Variants in CLMP observed in about 807,000 individuals in gnomAD.
The protein encoded by CLMP is CXADR like cell adhesion molecule.
A neutral mutation model predicts 45.2 loss-of-function variants in CLMP; 27 were observed. The observed-to-expected ratio is 0.60, with a 90% CI of 0.44 to 0.82. The LOEUF (loss-of-function observed/expected upper bound fraction) is 0.82. Ranked by LOEUF, CLMP falls within the 40% of genes least tolerant of loss-of-function variation. The pLI, the probability that CLMP is intolerant of heterozygous loss-of-function variation, is 0.00. For missense variants in CLMP, 403 were observed against 448.4 expected, an observed-to-expected ratio of 0.90 and a Z score of 0.91; for synonymous variants, 167 against 171.4, an observed-to-expected ratio of 0.97 and a Z score of 0.20.
chr11:123,157,751 T>C (rs1192186126), intron 1 of CLMP, among the ~76,000 whole-genome samples: 1 of 135,786 alleles, frequency 7.4e-6, no homozygotes, highest in Non-Finnish European at 1.6e-5. Context: ...AAAAAAGAAG[T>C]AGTGAAGGCC....
At chr11:123,114,177 A>G (rs891621600) in intron 1 of CLMP, among the ~76,000 whole-genome samples, 3 of 152,238 alleles carry the variant, frequency 2.0e-5, no homozygotes, top group Admixed American at 6.5e-5. Context: ...TTACTATGAA[A>G]AAGAAAATAA....
intron 1 of CLMP, among the ~76,000 whole-genome samples, chr11:123,109,923 G>A (rs539090616): frequency 9.9e-5 from 15 of 152,214 alleles, no homozygotes; most frequent in Admixed American, 2.6e-4. Context: ...AGTCATGACC[G>A]GCAAATGATA....
intron 1 of CLMP, among the ~76,000 whole-genome samples, chr11:123,101,504 T>C (rs1223705762): frequency 6.6e-6 from 1 of 152,248 alleles, no homozygotes; most frequent in African/African-American, 2.4e-5. Context: ...GTATTCTTGC[T>C]TTCAGGGAAA....
At chr11:123,181,327 T>A (rs1211402451) in intron 1 of CLMP, among the ~76,000 whole-genome samples, 1 of 152,146 alleles carries the variant, frequency 6.6e-6, no homozygotes, top group Non-Finnish European at 1.5e-5. Flanking sequence ...CATCCCCACA[T>A]GTCTTTTCTC....
At chr11:123,082,996 A>C in intron 5 of CLMP, 89 bp downstream of exon 5, 1 of 1,491,294 alleles carries the variant, frequency 6.7e-7, no homozygotes, top group Non-Finnish European at 9.2e-7. Flanking sequence ...CCTTAACCTT[A>C]CTCTTACTTA....
chr11:123,107,966 T>C (rs1860583400), intron 1 of CLMP, among the ~76,000 whole-genome samples: 1 of 151,758 alleles, frequency 6.6e-6, no homozygotes, highest in African/African-American at 2.4e-5. Context: ...AGGTCATTCC[T>C]GACGAGCAAT....
chr11:123,150,604 A>AGGAAAGGAAGGAAGGAAGGAAGGCC, intron 1 of CLMP, among the ~76,000 whole-genome samples: 2 of 136,224 alleles, frequency 1.5e-5, no homozygotes, highest in African/African-American at 5.5e-5. Flanking sequence ...GAAGGAAGGA[A>AGGAAAGGAAGGAAGGAAGGAAGGCC]TGAAGGAAGG....
In CLMP at chr11:123,195,108, G is replaced by A; in HGVS notation, c.-168C>T. ...GCCGGCCCCGCGCCCCGTGCCCCTG[G>A]GGGCAGATGGGCTCCCGGCGCTCGC... On this transcript the variant is annotated 5_prime_UTR_variant, in exon 1 of 7. Coordinates refer to ENST00000448775, the MANE Select transcript of CLMP (RefSeq NM_024769.5). 5.0e-6 allele frequency: 2 copies of A among 398,426 alleles called. No individual in the cohort carries two copies. The highest frequency in any genetic ancestry group is 8.2e-6 in the Non-Finnish European group (2 of 244,720). 24.7% of individuals were successfully genotyped at this position (398,426 alleles called of 1,614,324 possible).
chr11:123,147,096 A>C (rs1463961575), intron 1 of CLMP, among the ~76,000 whole-genome samples: 1 of 152,130 alleles, frequency 6.6e-6, no homozygotes, highest in African/African-American at 2.4e-5. Context: ...CTTCAGTTTC[A>C]TATTTTCCAG....
chr11:123,116,708 C>T (rs755817060), intron 1 of CLMP, among the ~76,000 whole-genome samples: 7 of 152,162 alleles, frequency 4.6e-5, no homozygotes, highest in South Asian at 2.1e-4. Flanking sequence ...CACAACATCT[C>T]GTAAGAGTAG....
chr11:123,150,459 GAAAGAAAGAAAGAAAGAAAGA>G (rs1861301821), intron 1 of CLMP, among the ~76,000 whole-genome samples: 7 of 97,840 alleles, frequency 7.2e-5, no homozygotes, highest in Non-Finnish European at 1.3e-4. Context: ...AAGAAAGAAA[GAAAGAAAGAAAGAAAGAAAGA>G]AAGGAAGGAA....
chr11:123,118,765 T>G (rs1402234087), intron 1 of CLMP, among the ~76,000 whole-genome samples: 1 of 152,056 alleles, frequency 6.6e-6, no homozygotes, highest in Non-Finnish European at 1.5e-5. Flanking sequence ...CCCCTGACTT[T>G]ACTTTCTTCC....
chr11:123,142,003 T>C (rs1861168228), intron 1 of CLMP, among the ~76,000 whole-genome samples: 1 of 139,656 alleles, frequency 7.2e-6, no homozygotes, highest in African/African-American at 2.8e-5. Flanking sequence ...TTTTTTTTTT[T>C]TGACAGGGTC....
At chr11:123,150,474 A>AAAG (rs1491162935) in intron 1 of CLMP, among the ~76,000 whole-genome samples, 20 of 103,792 alleles carry the variant, frequency 1.9e-4, no homozygotes, top group Non-Finnish European at 3.8e-4. Context: ...AAAGAAAGAA[A>AAAG]GAAAGAAAGG....
At chr11:123,150,484 G>A (rs11219029) in intron 1 of CLMP, among the ~76,000 whole-genome samples, 2,352 of 31,708 alleles carry the variant, frequency 0.074, 38 homozygotes, top group South Asian at 0.16. Flanking sequence ...AGAAAGAAAG[G>A]AAGGAAGGAA....
intron 5 of CLMP, among the ~76,000 whole-genome samples, chr11:123,077,500 T>G (rs1357858680): frequency 6.6e-6 from 1 of 152,076 alleles, no homozygotes; most frequent in Non-Finnish European, 1.5e-5. Context: ...CCTGGCTAAT[T>G]TTGTATTTTT....
In CLMP at chr11:123,194,895, C is replaced by T. The variant is rs752168769; in HGVS notation, c.28+18G>A. The T allele has an allele frequency of 8.1e-6, 13 of 1,613,412 alleles. No individual in the cohort carries two copies. The South Asian group carries it at 1.2e-4, about 15-fold the overall frequency. ...TGCCCACGGCCATCCAAACTCCCGCCCTCCCAGAGGCACTCACCTAGCAAG... is the reference window on the plus strand; with the variant it reads ...TGCCCACGGCCATCCAAACTCCCGCTCTCCCAGAGGCACTCACCTAGCAAG... On this transcript the variant is annotated intron_variant, in intron 1 of 6. Transcript: ENST00000448775.
At chr11:123,136,054 G>A (rs1320064116) in intron 1 of CLMP, 4 of 595,468 alleles carry the variant, frequency 6.7e-6, no homozygotes, top group Non-Finnish European at 1.3e-5. Flanking sequence ...TTCTTCATCT[G>A]CCTTTTTGCT....
At chr11:123,075,352 A>G (rs11218954) in intron 5 of CLMP, among the ~76,000 whole-genome samples, 34,916 of 151,898 alleles carry the variant, frequency 0.23, 4,165 homozygotes, top group East Asian at 0.37. Flanking sequence ...TTACTGAATC[A>G]CAGACTTCGC....
Sources: gnomAD v4.1 joint callset for allele counts (sites outside exome capture counted in the v4.1 genomes callset) on GRCh38, gnomAD v4.1.1 for gene constraint, MANE v1.5 for transcripts, NCBI Gene and HGNC (gene_info 2026-07-23, HGNC 2026-07-21) for gene names.